The following DSCAML1 variants were observed in gnomAD, a reference collection of about 807,000 sequenced individuals.
DSCAML1 encodes cell adhesion molecule DSCAML1.
In DSCAML1, 38 loss-of-function variants were observed where a neutral mutation model predicts 200.5. That is an observed-to-expected ratio of 0.19 (90% CI 0.15 to 0.25). The LOEUF (loss-of-function observed/expected upper bound fraction) is 0.25, where lower values mean the gene tolerates loss of function less well. DSCAML1 is among the 10% of genes least tolerant of loss of function. The probability of loss-of-function intolerance (pLI) is 1.00; values close to 1 mark genes in which losing one functional copy is unlikely to be tolerated. For synonymous variants in DSCAML1, 1,215 were observed against 1,165.0 expected (o/e 1.04, Z -0.87); for missense variants, 2,223 against 2,858.8 (o/e 0.78, Z 5.07).
Position 117,437,096 on chromosome 11 carries a change from C to T in DSCAML1, c.4720+26G>A, listed in dbSNP as rs774069426. The T allele has an allele frequency of 3.1e-6, 5 of 1,601,522 alleles. No individual in the cohort carries two copies. Among genetic ancestry groups the T allele is most frequent in the Admixed American group, 1.7e-5 (1 of 59,636 alleles). ...GCACCACCCTGCTCCAGCCTCTGTACCATCCCTTCCACCCTTGCGACTCAC... is the reference window on the plus strand; with the variant it reads ...GCACCACCCTGCTCCAGCCTCTGTATCATCCCTTCCACCCTTGCGACTCAC... On this transcript the variant is annotated intron_variant, in intron 26 of 32. Transcript: ENST00000651296. This position sits in a 1 kb window ranked among gnomAD's most constrained non-coding sequence, Gnocchi z 5.3.
At chr11:117,746,221 CAAAAAAAA>C (rs34362262) in intron 3 of DSCAML1, among the ~76,000 whole-genome samples, 6 of 66,822 alleles carry the variant, frequency 9.0e-5, no homozygotes, top group African/African-American at 4.2e-4. Flanking sequence ...GACTCTGTCT[CAAAAAAAA>C]AAAAAAAAAA....
intron 3 of DSCAML1, among the ~76,000 whole-genome samples, chr11:117,538,923 T>TC (rs2050214024): frequency 6.6e-6 from 1 of 152,010 alleles, no homozygotes; most frequent in Non-Finnish European, 1.5e-5. Flanking sequence ...AGCAGCCTCC[T>TC]GACTGGCCAC....
intron 1 of DSCAML1, among the ~76,000 whole-genome samples, chr11:117,785,468 A>C (rs147703943): frequency 6.6e-6 from 1 of 152,210 alleles, no homozygotes; most frequent in Non-Finnish European, 1.5e-5. Context: ...GAAACCTTGC[A>C]GGCTGGAGCA....
chr11:117,539,013 C>T (rs565556667), intron 3 of DSCAML1, among the ~76,000 whole-genome samples: 7 of 152,316 alleles, frequency 4.6e-5, no homozygotes, highest in East Asian at 1.9e-4. Flanking sequence ...TCAGATCCTG[C>T]GGCTCCTCTG....
chr11:117,482,042 G>C lies in DSCAML1; in HGVS notation c.2480C>G (p.Thr827Arg). 6.2e-7 allele frequency: 1 copy of C among 1,614,204 alleles called. No homozygotes were observed. The highest frequency in any genetic ancestry group is 8.5e-7 in the Non-Finnish European group (1 of 1,180,020). ...CATGACGCGGTCAGGGTCGATGACT[G>C]TGTCCCCCTTCTCCCAGCGGATGAT... The part of the protein sequence containing the change: ...PIIIRWEKGD[T>R]VIDPDRVMRY... Residue 827 changes from threonine to arginine, a missense_variant, in exon 12 of 33, where the codon ACA (threonine) becomes AGA (arginine). By Grantham distance (71) the Thr-to-Arg change is moderately conservative (BLOSUM62 -1). Coordinates refer to ENST00000651296, the MANE Select transcript of DSCAML1 (RefSeq NM_020693.4).
At chr11:117,650,987 C>T (rs984773448) in intron 3 of DSCAML1, among the ~76,000 whole-genome samples, 24 of 152,218 alleles carry the variant, frequency 1.6e-4, no homozygotes, top group African/African-American at 5.5e-4. Flanking sequence ...AGGGATGTCT[C>T]CTGTGTGCCT....
chr11:117,486,911 CTTTTTTTTTTTTTT>C (rs56805170), intron 11 of DSCAML1, among the ~76,000 whole-genome samples: 8 of 79,626 alleles, frequency 1.0e-4, no homozygotes, highest in East Asian at 4.2e-4. Flanking sequence ...TGTAAAATAC[CTTTTTTTTTTTTTT>C]TTTTTTTTTT....
chr11:117,709,155 A>G (rs1471139351), intron 3 of DSCAML1, among the ~76,000 whole-genome samples: 1 of 152,224 alleles, frequency 6.6e-6, no homozygotes, highest in Non-Finnish European at 1.5e-5. Context: ...GCCTAGTTTC[A>G]ATGTGTGACC....
intron 3 of DSCAML1, among the ~76,000 whole-genome samples, chr11:117,547,222 C>A (rs1437480176): frequency 6.6e-6 from 1 of 152,230 alleles, no homozygotes; most frequent in East Asian, 1.9e-4. Flanking sequence ...AGAGCCCCCA[C>A]CCCCACTTTT....
At chr11:117,784,834 A>G (rs1257719509) in intron 1 of DSCAML1, among the ~76,000 whole-genome samples, 1 of 152,152 alleles carries the variant, frequency 6.6e-6, no homozygotes, top group South Asian at 2.1e-4. Context: ...AGCTGCCAAG[A>G]TGGTGGAATG....
intron 1 of DSCAML1, among the ~76,000 whole-genome samples, chr11:117,809,899 ACACT>A (rs140686731): frequency 5.5e-4 from 82 of 149,770 alleles, no homozygotes; most frequent in Admixed American, 3.6e-3. Flanking sequence ...ACACACCCAC[ACACT>A]CACACACACA....
rs528219393 is a variant in DSCAML1 at position 117,508,551 on chromosome 11, G to A, written c.1784-2819C>T. On this transcript the variant is annotated intron_variant, in intron 8 of 32. Transcript: ENST00000651296. ...GGGGCTCAGCTAGAATAAGAGGGGG[G>A]GTCTGTGCTGCTCCTCGAGATGCTT... is the stretch of plus-strand genomic sequence containing the variant. 4.0e-5 allele frequency among the ~76,000 whole-genome samples: 6 copies of A among 151,586 alleles called. No homozygotes were observed. The South Asian group carries it at 1.3e-3, about 32-fold the overall frequency.
intron 3 of DSCAML1, among the ~76,000 whole-genome samples, chr11:117,705,131 C>T (rs113554528): frequency 8.8e-4 from 134 of 152,270 alleles, no homozygotes; most frequent in African/African-American, 3.0e-3. Flanking sequence ...TTGCCTTTGA[C>T]TTGCATTATA....
chr11:117,656,764 T>C (rs1053407829), intron 3 of DSCAML1, among the ~76,000 whole-genome samples: 1 of 152,154 alleles, frequency 6.6e-6, no homozygotes, highest in Non-Finnish European at 1.5e-5. Flanking sequence ...AGAACACACA[T>C]GAAGGGTTTA....
intron 3 of DSCAML1, among the ~76,000 whole-genome samples, chr11:117,759,796 T>C (rs930521164): frequency 3.3e-5 from 5 of 152,200 alleles, no homozygotes; most frequent in African/African-American, 1.2e-4. Flanking sequence ...TTCAGTGGCC[T>C]CATGCTGAGT....
intron 1 of DSCAML1, among the ~76,000 whole-genome samples, chr11:117,787,462 T>C (rs2055378926): frequency 6.6e-6 from 1 of 152,204 alleles, no homozygotes; most frequent in Admixed American, 6.5e-5. Context: ...AACATCAGTA[T>C]GCATAAGAAT....
At chr11:117,442,234 G>A (rs1050187533) in intron 21 of DSCAML1, among the ~76,000 whole-genome samples, 2 of 151,090 alleles carry the variant, frequency 1.3e-5, no homozygotes, top group African/African-American at 4.9e-5. Flanking sequence ...GTGTGTGTGT[G>A]CGTGTGTATG....
At chr11:117,660,214 G>A (rs766904260) in intron 3 of DSCAML1, among the ~76,000 whole-genome samples, 10 of 152,176 alleles carry the variant, frequency 6.6e-5, no homozygotes, top group Non-Finnish European at 1.2e-4. Context: ...AACAAGCTCA[G>A]AATGCCGAGC....
At chr11:117,691,876 T>C (rs1355041287) in intron 3 of DSCAML1, among the ~76,000 whole-genome samples, 1 of 151,588 alleles carries the variant, frequency 6.6e-6, no homozygotes. Context: ...CACCCGAGGG[T>C]GGGTGGGGCT....
Sources: gnomAD v4.1 joint callset for allele counts (sites outside exome capture counted in the v4.1 genomes callset) on GRCh38, gnomAD v4.1.1 for gene constraint, Gnocchi (gnomAD v3.1) non-coding constraint, MANE v1.5 for transcripts, NCBI Gene and HGNC (gene_info 2026-07-23, HGNC 2026-07-21) for gene names.